ARFIP1: variants seen among roughly 807,000 people sequenced by gnomAD.
The protein encoded by ARFIP1 is ARF interacting protein 1.
Under a neutral mutation model 42.5 loss-of-function variants are expected in ARFIP1, and 24 were observed. The observed-to-expected ratio is 0.57, with a 90% CI of 0.41 to 0.80. The LOEUF is 0.80. Among genes scored for constraint, ARFIP1 ranks in the 30% least tolerant of loss-of-function variants. The probability of loss-of-function intolerance (pLI) is 0.00; values close to 1 mark genes in which losing one functional copy is unlikely to be tolerated. For missense variants in ARFIP1, 354 were observed against 434.0 expected, an observed-to-expected ratio of 0.82 and a Z score of 1.64; for synonymous variants, 141 against 153.7, an observed-to-expected ratio of 0.92 and a Z score of 0.61.
At chr4:152,853,007 T>C (rs967135468) in intron 2 of ARFIP1, among the ~76,000 whole-genome samples, 7 of 152,216 alleles carry the variant, frequency 4.6e-5, no homozygotes, top group Non-Finnish European at 7.3e-5. Context: ...TTTGTTTGTT[T>C]AGTAAAGAAC....
chr4:152,800,655 G>A (rs1156778683), intron 1 of ARFIP1, among the ~76,000 whole-genome samples: 2 of 152,028 alleles, frequency 1.3e-5, no homozygotes, highest in African/African-American at 4.8e-5. Flanking sequence ...CTTCAATATA[G>A]TAACACTAGA....
chr4:152,843,118 A>G (rs1241435278), intron 2 of ARFIP1, among the ~76,000 whole-genome samples: 1 of 152,018 alleles, frequency 6.6e-6, no homozygotes, highest in African/African-American at 2.4e-5. Context: ...TGTTCGCTTG[A>G]TGTAGTAGTC....
intron 1 of ARFIP1, among the ~76,000 whole-genome samples, chr4:152,804,213 TATATATAATATAACATGTATTATATATA>T (rs1561108324): frequency 2.7e-5 from 1 of 36,908 alleles, no homozygotes; most frequent in South Asian, 8.5e-4. Flanking sequence ...TATTATATAT[TATATATAATATAACATGTATTATATATA>T]ATATATAATA....
At chr4:152,830,557 G>A (rs1731179256) in intron 2 of ARFIP1, among the ~76,000 whole-genome samples, 1 of 152,118 alleles carries the variant, frequency 6.6e-6, no homozygotes, top group African/African-American at 2.4e-5. Flanking sequence ...TTATTATGTA[G>A]TTTAAATAGG....
At chr4:152,893,810 T>TA (rs1053181242) in intron 8 of ARFIP1, among the ~76,000 whole-genome samples, 1 of 152,112 alleles carries the variant, frequency 6.6e-6, no homozygotes, top group African/African-American at 2.4e-5. Flanking sequence ...CTACTTAATT[T>TA]AAAAAAATTT....
chr4:152,817,638 A>G (rs1730005267), intron 1 of ARFIP1, among the ~76,000 whole-genome samples: 1 of 152,250 alleles, frequency 6.6e-6, no homozygotes, highest in Non-Finnish European at 1.5e-5. Flanking sequence ...CTGTGCATCA[A>G]AGGACACAAC....
chr4:152,881,963 A>G (rs1261073235), intron 6 of ARFIP1, among the ~76,000 whole-genome samples: 1 of 152,174 alleles, frequency 6.6e-6, no homozygotes, highest in Admixed American at 6.5e-5. Context: ...AGAATTATCA[A>G]ATTAAATGAT....
rs777951477 is a variant in ARFIP1, at chr4:152,910,963, A to G, written c.*744A>G. On this transcript the variant is annotated 3_prime_UTR_variant, in exon 9 of 9. Transcript: ENST00000353617. Reference sequence around the variant, plus strand: ...CTGCTTAAGAGAATTTTTTTTTTTGACAGGTGGACGTGGGAATGGAAATTC... The same window carrying G: ...CTGCTTAAGAGAATTTTTTTTTTTGGCAGGTGGACGTGGGAATGGAAATTC... The G allele has an allele frequency of 1.1e-4, 17 of 152,000 alleles. No homozygotes were observed. Among genetic ancestry groups the G allele is most frequent in the Non-Finnish European group, 1.9e-4 (13 of 67,876 alleles). The allele number at this position is 152,000 out of a possible 1,614,324, so 9.4% of individuals were successfully genotyped here.
intron 7 of ARFIP1, 121 bp downstream of exon 7, chr4:152,883,001 G>A: frequency 9.5e-7 from 1 of 1,047,654 alleles, no homozygotes; most frequent in Admixed American, 2.9e-5. Flanking sequence ...AAATGTACTG[G>A]AAAGTTATAG....
In ARFIP1 at chr4:152,797,875, ATAGTTT is replaced by A. The variant is rs557119749; in HGVS notation, c.-10+17652_-10+17657del. Reference sequence around the variant, plus strand: ...ACCATTATATCATCTGCAAATAGAGATAGTTTTACTTTCTCCTTACCTATTATTCCT... The same window carrying A: ...ACCATTATATCATCTGCAAATAGAGATACTTTCTCCTTACCTATTATTCCT... On this transcript the variant is annotated intron_variant, in intron 1 of 8. Coordinates refer to ENST00000353617, the MANE Select transcript of ARFIP1 (RefSeq NM_001025595.3). Among the ~76,000 whole-genome samples, 227 of 152,252 alleles carry A rather than the reference ATAGTTT, an allele frequency of 1.5e-3. 1 individual carries two copies. The highest frequency in any genetic ancestry group is 5.3e-3 in the African/African-American group (220 of 41,548).
chr4:152,854,982 G>C lies in ARFIP1; in HGVS notation c.94-8624G>C, dbSNP rs72968473. ...AGTAGTGGCGGCAGTGGGCCAGGCA[G>C]GTGGGCAGGTTCTTGGACCTCTAGG... On this transcript the variant is annotated intron_variant, in intron 2 of 8. Transcript: ENST00000353617. Among the ~76,000 whole-genome samples, 1,394 of 152,358 alleles carry C rather than the reference G, an allele frequency of 9.1e-3. 15 individuals are homozygous for C. The highest frequency in any genetic ancestry group is 0.03 in the African/African-American group (1,248 of 41,586).
At chr4:152,805,584 C>G (rs767093956) in intron 1 of ARFIP1, among the ~76,000 whole-genome samples, 2 of 152,176 alleles carry the variant, frequency 1.3e-5, no homozygotes, top group African/African-American at 2.4e-5. Flanking sequence ...CTTCGTAACC[C>G]TAGTTTCTGA....
chr4:152,790,680 T>C (rs989720275), intron 1 of ARFIP1, among the ~76,000 whole-genome samples: 2 of 152,070 alleles, frequency 1.3e-5, no homozygotes, highest in African/African-American at 4.8e-5. Context: ...GAAGTAACTA[T>C]TTTGTCAGGG....
intron 5 of ARFIP1, among the ~76,000 whole-genome samples, chr4:152,878,189 T>C (rs1423643555): frequency 6.6e-6 from 1 of 152,208 alleles, no homozygotes; most frequent in Non-Finnish European, 1.5e-5. Flanking sequence ...TTTGTCCTGT[T>C]CTTCAAAATG....
chr4:152,800,592 T>G (rs904516549), intron 1 of ARFIP1, among the ~76,000 whole-genome samples: 1 of 152,172 alleles, frequency 6.6e-6, no homozygotes, highest in Non-Finnish European at 1.5e-5. Context: ...AGAAATTGCA[T>G]TAGATATTTA....
chr4:152,799,672 T>C (rs568599744), intron 1 of ARFIP1, among the ~76,000 whole-genome samples: 1 of 152,338 alleles, frequency 6.6e-6, no homozygotes, highest in Non-Finnish European at 1.5e-5. Context: ...TAGAGAATTA[T>C]GTATACGGTA....
intron 1 of ARFIP1, among the ~76,000 whole-genome samples, chr4:152,810,894 G>C (rs1304324970): frequency 6.6e-6 from 1 of 151,934 alleles, no homozygotes. Context: ...TCTACTGTAT[G>C]ATAGTGTGCT....
In ARFIP1 at chr4:152,865,431, C is replaced by T. The variant is rs1276327598; in HGVS notation, c.202+1717C>T. ...GGATTACAGGCATGAGCCACTGTGC[C>T]TGGCCGTATGCTGTATTTTTTATTG... On this transcript the variant is annotated intron_variant, in intron 3 of 8. Coordinates refer to ENST00000353617, the MANE Select transcript of ARFIP1 (RefSeq NM_001025595.3). Among the ~76,000 whole-genome samples, 16 of 152,314 alleles carry T rather than the reference C, an allele frequency of 1.1e-4. No individual in the cohort carries two copies. In the East Asian group the frequency reaches 2.9e-3, roughly 28 times the overall value.
rs1377200208 is a variant in ARFIP1 at position 152,830,298 on chromosome 4, GTTAT to G, written c.93+580_93+583del. Among the ~76,000 whole-genome samples, 6 of 152,204 alleles carry G rather than the reference GTTAT, an allele frequency of 3.9e-5. No homozygotes were observed. In the East Asian group the frequency reaches 1.2e-3, roughly 29 times the overall value. ...TTTCTAGCAGTATAACCTTGAGCCA[GTTAT>G]TTATTTAATCTCTTCAGGTTTTTGT... is the stretch of plus-strand genomic sequence containing the variant. On this transcript the variant is annotated intron_variant, in intron 2 of 8. Coordinates refer to ENST00000353617, the MANE Select transcript of ARFIP1 (RefSeq NM_001025595.3).
Sources: allele counts gnomAD v4.1 joint callset (sites outside exome capture counted in the v4.1 genomes callset), GRCh38; gene constraint gnomAD v4.1.1; transcripts MANE v1.5; gene names NCBI Gene and HGNC (gene_info 2026-07-23, HGNC 2026-07-21).